RDX: variants seen among roughly 807,000 people sequenced by gnomAD.
The protein encoded by RDX is radixin, also known as deafness, autosomal recessive 24.
In RDX, 32 loss-of-function variants were observed where a neutral mutation model predicts 83.7. That is an observed-to-expected ratio of 0.38 (90% CI 0.29 to 0.51). The LOEUF (loss-of-function observed/expected upper bound fraction) is 0.51, where lower values mean the gene tolerates loss of function less well. Ranked by LOEUF, RDX falls within the 20% of genes least tolerant of loss-of-function variation. The pLI is 0.87. For synonymous variants in RDX, 229 were observed against 222.7 expected (o/e 1.03, Z -0.25); for missense variants, 600 against 689.9 (o/e 0.87, Z 1.46).
Position 110,286,114 on chromosome 11 carries a change from C to T in RDX, c.-64-6358G>A, listed in dbSNP as rs143317801. Among the ~76,000 whole-genome samples, 971 of 152,126 alleles carry T rather than the reference C, an allele frequency of 6.4e-3. 11 individuals are homozygous for T. Among genetic ancestry groups the T allele is most frequent in the African/African-American group, 0.021 (879 of 41,516 alleles). On this transcript the variant is annotated intron_variant, in intron 1 of 13. Coordinates refer to ENST00000645495, the MANE Select transcript of RDX (RefSeq NM_002906.4). Reference sequence around the variant, plus strand: ...TAAACTTAATTAAACCAATTAAATCCTTAATTTTCTCCCACTCTTAAATGT... The same window carrying T: ...TAAACTTAATTAAACCAATTAAATCTTTAATTTTCTCCCACTCTTAAATGT...
At chr11:110,243,746 A>G (rs1865192891) in intron 10 of RDX, among the ~76,000 whole-genome samples, 1 of 152,160 alleles carries the variant, frequency 6.6e-6, no homozygotes, top group Admixed American at 6.5e-5. Context: ...TGCAATATAA[A>G]TGTCCAAAAA....
intron 1 of RDX, among the ~76,000 whole-genome samples, chr11:110,294,420 T>C (rs920727787): frequency 2.0e-5 from 3 of 152,134 alleles, no homozygotes; most frequent in African/African-American, 7.2e-5. Flanking sequence ...TCGGTTTCAT[T>C]AAAAAGGACT....
At chr11:110,284,455 T>A (rs1860896156) in intron 1 of RDX, among the ~76,000 whole-genome samples, 2 of 152,224 alleles carry the variant, frequency 1.3e-5, no homozygotes, top group African/African-American at 4.8e-5. Context: ...AACATTTAGA[T>A]AAGGTTAAGT....
At chr11:110,282,200 G>C (rs940266352) in intron 1 of RDX, among the ~76,000 whole-genome samples, 7 of 151,726 alleles carry the variant, frequency 4.6e-5, no homozygotes, top group African/African-American at 1.7e-4. Context: ...TATAAGACAT[G>C]TGTGTCTGCA....
At chr11:110,236,067 C>T in intron 12 of RDX, 32 bp downstream of exon 12, 1 of 1,435,174 alleles carries the variant, frequency 7.0e-7, no homozygotes, top group Non-Finnish European at 9.8e-7. Context: ...AAAAGCTATT[C>T]AATAAAAGCT....
intron 10 of RDX, among the ~76,000 whole-genome samples, chr11:110,247,182 T>C (rs1859146489): frequency 6.6e-6 from 1 of 152,150 alleles, no homozygotes; most frequent in Non-Finnish European, 1.5e-5. Context: ...TCCAAACACA[T>C]TACCAAAAAC....
Position 110,236,163 on chromosome 11 carries a change from T to C in RDX, c.1280A>G (p.Lys427Arg), listed in dbSNP as rs770612865. The change falls in exon 12 of 14, where the codon AAG becomes AGG. Residue 427 changes from lysine (K) to arginine (R), a missense_variant. Lys to Arg is a conservative substitution (Grantham distance 26, BLOSUM62 2). Transcript: ENST00000645495. ...CTTGGCTTCCTCTAGAAGTGCAATCTTGGCAGTGAATTCAGCAAGTTCTGC... is the reference window on the plus strand; with the variant it reads ...CTTGGCTTCCTCTAGAAGTGCAATCCTGGCAGTGAATTCAGCAAGTTCTGC... Reference protein sequence around the residue: ...LAAELAEFTAKIALLEEAKKK... With the variant: ...LAAELAEFTARIALLEEAKKK... 3 of 1,612,864 alleles carry C rather than the reference T, an allele frequency of 1.9e-6. No homozygotes were observed. The highest frequency in any genetic ancestry group is 2.5e-6 in the Non-Finnish European group (3 of 1,179,894).
intron 10 of RDX, among the ~76,000 whole-genome samples, chr11:110,243,174 G>A (rs1056551069): frequency 1.3e-5 from 2 of 151,976 alleles, no homozygotes; most frequent in African/African-American, 4.8e-5. Context: ...TTTTGAATGA[G>A]GGATGCTCAA....
chr11:110,284,969 T>C lies in RDX; in HGVS notation c.-64-5213A>G, dbSNP rs950954578. On this transcript the variant is annotated intron_variant, in intron 1 of 13. Transcript: ENST00000645495. ...TGAAATTGCTTATACATATCTTTCATTAGCTTCTACAACACACAGATGTAA... is the reference window on the plus strand; with the variant it reads ...TGAAATTGCTTATACATATCTTTCACTAGCTTCTACAACACACAGATGTAA... Among the ~76,000 whole-genome samples the C allele has an allele frequency of 1.8e-4, 27 of 152,388 alleles. No individual in the cohort carries two copies. In the South Asian group the frequency reaches 2.3e-3, roughly 13 times the overall value.
chr11:110,186,614 A>G (rs1025521079), intron 15 of RDX, among the ~76,000 whole-genome samples: 1 of 151,972 alleles, frequency 6.6e-6, no homozygotes, highest in Non-Finnish European at 1.5e-5. Flanking sequence ...CCATGATGGC[A>G]CCCAGCCAAT....
intron 15 of RDX, among the ~76,000 whole-genome samples, chr11:110,198,457 G>A (rs978166166): frequency 6.6e-6 from 1 of 152,134 alleles, no homozygotes; most frequent in Admixed American, 6.5e-5. Flanking sequence ...GACCAGTACC[G>A]GCGTGTGGCC....
At chr11:110,294,702 GTTAA>G (rs917427918) in intron 1 of RDX, among the ~76,000 whole-genome samples, 10 of 151,114 alleles carry the variant, frequency 6.6e-5, no homozygotes, top group Non-Finnish European at 8.8e-5. Context: ...TTGACTTTCA[GTTAA>G]TTAATCACAA....
At chr11:110,251,787 T>C (rs1055401389) in intron 9 of RDX, among the ~76,000 whole-genome samples, 4 of 152,184 alleles carry the variant, frequency 2.6e-5, no homozygotes, top group African/African-American at 9.6e-5. Flanking sequence ...TAACCACTCA[T>C]AGTGTATAAG....
At chr11:110,258,277 T>C in intron 5 of RDX, 88 bp from the exon 6 acceptor site, 1 of 828,158 alleles carries the variant, frequency 1.2e-6, no homozygotes, top group Non-Finnish European at 1.9e-6. Flanking sequence ...TTCAGTAACT[T>C]GACTGTGGTA....
intron 3 of RDX, among the ~76,000 whole-genome samples, chr11:110,266,867 T>C (rs1565324490): frequency 6.6e-6 from 1 of 151,040 alleles, no homozygotes; most frequent in Non-Finnish European, 1.5e-5. Context: ...GGATTATAGA[T>C]GCAAGCCACT....
intron 15 of RDX, among the ~76,000 whole-genome samples, chr11:110,197,966 T>C (rs953817707): frequency 1.3e-5 from 2 of 152,190 alleles, no homozygotes; most frequent in African/African-American, 4.8e-5. Flanking sequence ...AGAGAGAATC[T>C]TGCACGACCT....
chr11:110,208,283 T>C (rs543858443), intron 14 of RDX, among the ~76,000 whole-genome samples: 1 of 152,378 alleles, frequency 6.6e-6, no homozygotes, highest in East Asian at 1.9e-4. Flanking sequence ...TGAAAACGAA[T>C]GTAGCGTTCT....
chr11:110,268,981 AT>A (rs915256875), intron 3 of RDX, among the ~76,000 whole-genome samples: 2 of 149,536 alleles, frequency 1.3e-5, no homozygotes, highest in Admixed American at 6.7e-5. Flanking sequence ...ATATATATAT[AT>A]TTTTTTAATT....
intron 7 of RDX, among the ~76,000 whole-genome samples, chr11:110,256,476 T>C (rs1024746992): frequency 9.9e-5 from 15 of 152,202 alleles, no homozygotes; most frequent in African/African-American, 3.6e-4. Context: ...AATTGCCTCA[T>C]ATAATTCTCA....
Sources: allele counts gnomAD v4.1 joint callset (sites outside exome capture counted in the v4.1 genomes callset), GRCh38; gene constraint gnomAD v4.1.1; transcripts MANE v1.5; gene names NCBI Gene and HGNC (gene_info 2026-07-23, HGNC 2026-07-21).